Variants in PCDHGA3 observed in about 807,000 individuals in gnomAD.
The protein encoded by PCDHGA3 is protocadherin gamma subfamily A, 3.
PCDHGA3 carries 40 observed loss-of-function variants against 58.5 expected under a neutral mutation model. The observed-to-expected ratio is 0.68, with a 90% CI of 0.53 to 0.89. PCDHGA3 has a LOEUF of 0.89. PCDHGA3 is among the 40% of genes least tolerant of loss of function. PCDHGA3 has a pLI of 0.00. For synonymous variants in PCDHGA3, 530 were observed against 525.7 expected, an observed-to-expected ratio of 1.01 and a Z score of -0.11; for missense variants, 1,223 against 1,195.9, an observed-to-expected ratio of 1.02 and a Z score of -0.33.
rs757663132 is a variant in PCDHGA3 at position 141,510,991 on chromosome 5, A to G, written c.2617A>G (p.Met873Val). ...CACCCTGGGAGGGGGTGCCGGCACC[A>G]TGGGATTGAGCGCCCGCTACGGACC... is the stretch of plus-strand genomic sequence containing the variant. ...SSTLGGGAGT[M>V]GLSARYGPQF... is the part of the protein sequence containing the mutation. Residue 873 changes from methionine (M) to valine (V), a missense_variant, in exon 4 of 4, where the codon ATG becomes GTG. Coordinates refer to ENST00000253812, the MANE Select transcript of PCDHGA3 (RefSeq NM_018916.4). 1.2e-6 allele frequency: 2 copies of G among 1,614,136 alleles called. No individual in the cohort carries two copies. Among genetic ancestry groups the G allele is most frequent in the Admixed American group, 3.3e-5 (2 of 60,022 alleles).
rs200601557 is a variant in PCDHGA3, at chr5:141,432,538, G to A, written c.2425-62269G>A. 5.0e-6 allele frequency: 8 copies of A among 1,613,908 alleles called. No homozygotes were observed. The highest frequency in any genetic ancestry group is 1.7e-5 in the Admixed American group (1 of 60,012). On this transcript the variant is annotated intron_variant, in intron 1 of 3. Coordinates refer to ENST00000253812, the MANE Select transcript of PCDHGA3 (RefSeq NM_018916.4). The surrounding 1 kb of genome is among the most constrained non-coding windows in gnomAD (Gnocchi z 6.0). ...GCTACCTGGTGACCAAGGTGGTGGCGGTGGACAGAGACTCCGGCCAGAACG... is the reference window on the plus strand; with the variant it reads ...GCTACCTGGTGACCAAGGTGGTGGCAGTGGACAGAGACTCCGGCCAGAACG...
At position 141,344,359 on chromosome 5, in the gene PCDHGA3, T is replaced by G; in HGVS notation, c.326T>G (p.Leu109Arg). The G allele has an allele frequency of 6.2e-7, 1 of 1,613,768 alleles. No homozygotes were observed. The highest frequency in any genetic ancestry group is 8.5e-7 in the Non-Finnish European group (1 of 1,179,846). ...CTGTGTCTGGTAAAAATTAACATTCTGGTTGAGGATAAATTGAAAATTTTT... is the reference window on the plus strand; with the variant it reads ...CTGTGTCTGGTAAAAATTAACATTCGGGTTGAGGATAAATTGAAAATTTTT... ...IPLCLVKINI[L>R]VEDKLKIFEV... Residue 109 changes from leucine to arginine, a missense_variant, in exon 1 of 4, where the codon CTG (leucine) becomes CGG (arginine). Physicochemically the swap from Leu to Arg is moderately radical, Grantham distance 102 (BLOSUM62 -2). Transcript: ENST00000253812.
At chr5:141,366,872 A>G in intron 1 of PCDHGA3, 1 of 1,396,140 alleles carries the variant, frequency 7.2e-7, no homozygotes, top group Non-Finnish European at 9.6e-7. Flanking sequence ...GCTGTATTGG[A>G]GATTAATTTT....
intron 1 of PCDHGA3, chr5:141,350,164 T>C (rs1588479597): frequency 1.7e-6 from 2 of 1,151,326 alleles, no homozygotes; most frequent in East Asian, 2.7e-5. Flanking sequence ...AGCGCCTAAC[T>C]AATAAGTCCT....
intron 1 of PCDHGA3, among the ~76,000 whole-genome samples, chr5:141,402,117 A>G (rs1344939045): frequency 6.6e-6 from 1 of 152,172 alleles, no homozygotes; most frequent in Non-Finnish European, 1.5e-5. Context: ...AAATGTGAAA[A>G]TTTCCAACTT....
chr5:141,397,835 T>G (rs1483046343), intron 1 of PCDHGA3, among the ~76,000 whole-genome samples: 1 of 152,238 alleles, frequency 6.6e-6, no homozygotes, highest in Admixed American at 6.5e-5. Context: ...CTGGTTAACT[T>G]GAAGCCGCAG....
At chr5:141,408,927 T>C (rs1220361067) in intron 1 of PCDHGA3, 5 of 1,613,512 alleles carry the variant, frequency 3.1e-6, no homozygotes, top group African/African-American at 1.3e-5. Context: ...CCCCCGGTTT[T>C]CAGCAGAGAC....
chr5:141,400,311 T>A, intron 1 of PCDHGA3: 1 of 1,614,098 alleles, frequency 6.2e-7, no homozygotes, highest in Non-Finnish European at 8.5e-7. Flanking sequence ...CTGGTCTCTG[T>A]GTCAAGTCTG....
intron 1 of PCDHGA3, among the ~76,000 whole-genome samples, chr5:141,373,593 T>G (rs1769715791): frequency 6.6e-6 from 1 of 152,258 alleles, no homozygotes; most frequent in African/African-American, 2.4e-5. Flanking sequence ...TGAAATGTGA[T>G]GATAATTCAA....
intron 1 of PCDHGA3, chr5:141,372,823 A>G (rs1561557860): frequency 6.4e-7 from 1 of 1,564,608 alleles, no homozygotes; most frequent in South Asian, 1.2e-5. Flanking sequence ...AGTTTCTTCA[A>G]ACCTTTCCTT....
rs751276470 is a variant in PCDHGA3, at chr5:141,431,560, C to A, written c.2425-63247C>A. 6.2e-7 allele frequency: 1 copy of A among 1,614,104 alleles called. No individual in the cohort carries two copies. On this transcript the variant is annotated intron_variant, in intron 1 of 3. Coordinates refer to ENST00000253812, the MANE Select transcript of PCDHGA3 (RefSeq NM_018916.4). This position sits in a 1 kb window ranked among gnomAD's most constrained non-coding sequence, Gnocchi z 4.8. ...CGCAGCTGCTTGTAGTCAACGCTAC[C>A]GACCCTGACGAAGGAGTCAATGCGG...
At position 141,455,354 on chromosome 5, in the gene PCDHGA3, T is replaced by C. The variant is rs185319743; in HGVS notation, c.2425-39453T>C. ...TGGTTTTAAGGAGCGGAGAGTTTAA[T>C]AGGCAAGAAGGAAGGGAGAAGACAG... On this transcript the variant is annotated intron_variant, in intron 1 of 3. Coordinates refer to ENST00000253812, the MANE Select transcript of PCDHGA3 (RefSeq NM_018916.4). Among the ~76,000 whole-genome samples the C allele has an allele frequency of 1.7e-3, 263 of 152,180 alleles. 2 individuals are homozygous for C. The highest frequency in any genetic ancestry group is 3.0e-3 in the Non-Finnish European group (207 of 68,010).
At chr5:141,352,075 G>T in intron 1 of PCDHGA3, 1 of 1,604,858 alleles carries the variant, frequency 6.2e-7, no homozygotes, top group East Asian at 2.2e-5. Flanking sequence ...ACCACGTGCT[G>T]CAGGCCAGCG....
In PCDHGA3 at chr5:141,476,288, C is replaced by A. The variant is rs1446743849; in HGVS notation, c.2425-18519C>A. 3.1e-6 allele frequency: 5 copies of A among 1,613,980 alleles called. No homozygotes were observed. The highest frequency in any genetic ancestry group is 3.4e-6 in the Non-Finnish European group (4 of 1,180,026). ...CGTGGTCGCGAACCTTGGTTTGGAT[C>A]TCGGTAGCCTCTCAGCCCGCAGGTT... On this transcript the variant is annotated intron_variant, in intron 1 of 3. Coordinates refer to ENST00000253812, the MANE Select transcript of PCDHGA3 (RefSeq NM_018916.4). This position sits in a 1 kb window ranked among gnomAD's most constrained non-coding sequence, Gnocchi z 7.6.
chr5:141,410,252 C>A, intron 1 of PCDHGA3: 2 of 1,613,998 alleles, frequency 1.2e-6, no homozygotes. Context: ...ACTCTCTGAC[C>A]CCCAGGCTGA....
intron 1 of PCDHGA3, chr5:141,433,226 C>G (rs1433770157): frequency 6.6e-7 from 1 of 1,514,890 alleles, no homozygotes; most frequent in Non-Finnish European, 9.0e-7. Context: ...TTTTTAATTG[C>G]TCTGTCTCCC....
intron 2 of PCDHGA3, 79 bp downstream of exon 2, chr5:141,494,944 C>T: frequency 1.9e-6 from 3 of 1,609,850 alleles, no homozygotes; most frequent in Non-Finnish European, 2.5e-6. Context: ...TGGGGGAGGG[C>T]CCAGCATTTG....
At chr5:141,492,993 G>A (rs952802686) in intron 1 of PCDHGA3, among the ~76,000 whole-genome samples, 5 of 152,216 alleles carry the variant, frequency 3.3e-5, no homozygotes, top group African/African-American at 1.2e-4. Flanking sequence ...CTGGCAGATG[G>A]AAAGCTATAG....
At chr5:141,362,084 G>A (rs373978037) in intron 1 of PCDHGA3, 2 of 1,613,192 alleles carry the variant, frequency 1.2e-6, no homozygotes, top group Non-Finnish European at 1.7e-6. Flanking sequence ...CGTGATGGAG[G>A]ACAGCCGCCA....
Sources: allele counts gnomAD v4.1 joint callset (sites outside exome capture counted in the v4.1 genomes callset), GRCh38; gene constraint gnomAD v4.1.1; non-coding constraint Gnocchi (gnomAD v3.1); transcripts MANE v1.5; gene names NCBI Gene and HGNC (gene_info 2026-07-23, HGNC 2026-07-21).